SAXO2: variants seen among roughly 807,000 people sequenced by gnomAD.
SAXO2 encodes stabilizer of axonemal microtubules 2, also known as family with sequence similarity 154, member B.
SAXO2 carries 17 observed loss-of-function variants against 18.7 expected under a neutral mutation model. The observed-to-expected ratio is 0.91, with a 90% CI of 0.62 to 1.36. The LOEUF is 1.36. SAXO2 is among the 40% of genes most tolerant of loss of function. The pLI is 0.00. For missense variants in SAXO2, 486 were observed against 562.6 expected, an observed-to-expected ratio of 0.86 and a Z score of 1.38; for synonymous variants, 163 against 181.2, an observed-to-expected ratio of 0.90 and a Z score of 0.81.
intron 3 of SAXO2, among the ~76,000 whole-genome samples, chr15:82,273,603 A>G (rs1480928696): frequency 6.7e-6 from 1 of 150,016 alleles, no homozygotes; most frequent in Non-Finnish European, 1.5e-5. Flanking sequence ...TGTGAAGACT[A>G]TGTGAATGGT....
chr15:82,284,755 C>G lies in SAXO2; in HGVS notation c.*1693C>G, dbSNP rs1242594991. The G allele has an allele frequency of 3.3e-5, 5 of 152,056 alleles. No individual in the cohort carries two copies. Among genetic ancestry groups the G allele is most frequent in the African/African-American group, 1.2e-4 (5 of 41,406 alleles). The allele number at this position is 152,056 out of a possible 1,614,324, so 9.4% of individuals were successfully genotyped here. A position where few individuals can be genotyped will look rare whatever the true frequency, so the allele number is the denominator to read the frequency against. Reference sequence around the variant, plus strand: ...ATTTTAGCATAAAGTGAATTTTAGTCTTTTATGGCTTCAGAATTATTTCAA... The same window carrying G: ...ATTTTAGCATAAAGTGAATTTTAGTGTTTTATGGCTTCAGAATTATTTCAA... On this transcript the variant is annotated 3_prime_UTR_variant, in exon 4 of 4. Transcript: ENST00000682753.
In SAXO2 at chr15:82,277,637, T is replaced by G. The variant is rs959705943; in HGVS notation, c.434-4482T>G. Among the ~76,000 whole-genome samples the G allele has an allele frequency of 7.2e-4, 109 of 152,158 alleles. 2 individuals are homozygous for G. The highest frequency in any genetic ancestry group is 4.4e-5 in the Non-Finnish European group (3 of 68,022). ...CAGATAATCTACAAAATCATAAATGTTTATGAATCCTTTAGAAAGCTGAGA... is the reference window on the plus strand; with the variant it reads ...CAGATAATCTACAAAATCATAAATGGTTATGAATCCTTTAGAAAGCTGAGA... On this transcript the variant is annotated intron_variant, in intron 3 of 3. Coordinates refer to ENST00000682753, the MANE Select transcript of SAXO2 (RefSeq NM_001348699.2).
chr15:82,273,953 G>A (rs1458639970), intron 3 of SAXO2, among the ~76,000 whole-genome samples: 2 of 151,936 alleles, frequency 1.3e-5, no homozygotes, highest in Non-Finnish European at 2.9e-5. Context: ...GGTCAGGCTG[G>A]TCTCAAACTC....
chr15:82,266,779 T>G (rs879339734), intron 2 of SAXO2, among the ~76,000 whole-genome samples: 2 of 152,236 alleles, frequency 1.3e-5, no homozygotes, highest in African/African-American at 2.4e-5. Context: ...TTAGATTAGT[T>G]TCAGTGTTTC....
rs762427515 is a variant in SAXO2, at chr15:82,264,067, GATT to G, written c.53+1136_53+1138del. 2.0e-4 allele frequency among the ~76,000 whole-genome samples: 27 copies of G among 134,160 alleles called. 2 individuals carry two copies. The highest frequency in any genetic ancestry group is 6.9e-4 in the South Asian group (3 of 4,350). The allele number at this position is 134,160 out of a possible 152,430, so 88.0% of individuals were successfully genotyped here. A position where few individuals can be genotyped will look rare whatever the true frequency, so the allele number is the denominator to read the frequency against. On this transcript the variant is annotated intron_variant, in intron 1 of 3. Transcript: ENST00000682753. The stretch of plus-strand genomic sequence containing the variant: ...TTAAGACTTGTTTTACATATGCATT[GATT>G]TTTTTTTTTTTTTTTTTTTGAGACA...
chr15:82,280,898 T>A (rs2075357204), intron 3 of SAXO2, among the ~76,000 whole-genome samples: 1 of 152,182 alleles, frequency 6.6e-6, no homozygotes, highest in African/African-American at 2.4e-5. Context: ...GGTCACCTAT[T>A]CTTGAGTCAG....
In SAXO2 at chr15:82,264,286, C is replaced by T. The variant is rs375525480; in HGVS notation, c.54-1283C>T. ...GGGGTTTCACCATGTTGGCCTCCAT[C>T]TCCTGACCTCATGATCTGCCTGCCT... On this transcript the variant is annotated intron_variant, in intron 1 of 3. Transcript: ENST00000682753. Among the ~76,000 whole-genome samples, 6 of 151,820 alleles carry T rather than the reference C, an allele frequency of 4.0e-5. No homozygotes were observed. The East Asian group carries it at 9.7e-4, about 25-fold the overall frequency.
rs2075284755 is a variant in SAXO2, at chr15:82,272,845, A to G, written c.433+1043A>G. ...GGCGTGAGCCACCACGCGTGGCCCA[A>G]AAACCTGATTTTAAAATACTCTAGT... is the stretch of plus-strand genomic sequence containing the variant. On this transcript the variant is annotated intron_variant, in intron 3 of 3. Coordinates refer to ENST00000682753, the MANE Select transcript of SAXO2 (RefSeq NM_001348699.2). Among the ~76,000 whole-genome samples the G allele has an allele frequency of 2.0e-5, 3 of 151,806 alleles. No homozygotes were observed. The South Asian group carries it at 6.2e-4, about 32-fold the overall frequency.
At position 82,276,070 on chromosome 15, in the gene SAXO2, T is replaced by G. The variant is rs1039526666; in HGVS notation, c.433+4268T>G. Among the ~76,000 whole-genome samples the G allele has an allele frequency of 5.3e-5, 8 of 152,154 alleles. No individual in the cohort carries two copies. In the South Asian group the frequency reaches 6.2e-4, roughly 12 times the overall value. On this transcript the variant is annotated intron_variant, in intron 3 of 3. Coordinates refer to ENST00000682753, the MANE Select transcript of SAXO2 (RefSeq NM_001348699.2). ...GCAAAGTCTCAGCATACAAAATCAA[T>G]GCACAAAAATCAGTAGCATTTCTAT...
chr15:82,269,479 G>C (rs1397234198), intron 2 of SAXO2, among the ~76,000 whole-genome samples: 1 of 152,220 alleles, frequency 6.6e-6, no homozygotes, highest in South Asian at 2.1e-4. Context: ...GGTGAGAGTT[G>C]AGGCTAGTGA....
At chr15:82,278,746 A>G (rs577550434) in intron 3 of SAXO2, among the ~76,000 whole-genome samples, 1 of 152,350 alleles carries the variant, frequency 6.6e-6, no homozygotes, top group African/African-American at 2.4e-5. Context: ...CATCAATAAT[A>G]GAAAAAAATG....
At chr15:82,279,396 C>T (rs1178266539) in intron 3 of SAXO2, among the ~76,000 whole-genome samples, 18 of 152,124 alleles carry the variant, frequency 1.2e-4, no homozygotes, top group Non-Finnish European at 2.9e-5. Flanking sequence ...TTAAACAGAA[C>T]CTTAGCCTGA....
chr15:82,264,261 G>T (rs2075184898), intron 1 of SAXO2, among the ~76,000 whole-genome samples: 1 of 151,504 alleles, frequency 6.6e-6, no homozygotes, highest in Non-Finnish European at 1.5e-5. Flanking sequence ...TAGTAGAGAC[G>T]GGGTTTCACC....
chr15:82,277,663 T>C (rs1012391463), intron 3 of SAXO2, among the ~76,000 whole-genome samples: 9 of 152,174 alleles, frequency 5.9e-5, no homozygotes, highest in African/African-American at 2.2e-4. Flanking sequence ...AAAGCTGAGA[T>C]CACAGGTTAA....
intron 3 of SAXO2, among the ~76,000 whole-genome samples, chr15:82,277,232 G>A (rs997168977): frequency 6.6e-6 from 1 of 152,054 alleles, no homozygotes; most frequent in African/African-American, 2.4e-5. Flanking sequence ...GAACAAAGAA[G>A]GGAAAAGTCA....
chr15:82,264,598 A>T, intron 1 of SAXO2: 2 of 697,134 alleles, frequency 2.9e-6, no homozygotes, highest in African/African-American at 1.8e-5. Flanking sequence ...TTTATTAAGG[A>T]GTATATATAT....
chr15:82,268,906 T>A (rs1408306146), intron 2 of SAXO2, among the ~76,000 whole-genome samples: 1 of 152,198 alleles, frequency 6.6e-6, no homozygotes, highest in Non-Finnish European at 1.5e-5. Flanking sequence ...CCAGAGAAAC[T>A]GGGACTTCTG....
At chr15:82,269,831 G>C (rs2075254365) in intron 2 of SAXO2, among the ~76,000 whole-genome samples, 1 of 152,150 alleles carries the variant, frequency 6.6e-6, no homozygotes, top group African/African-American at 2.4e-5. Flanking sequence ...AAAGTGGTTA[G>C]ATTTGAGGGA....
At chr15:82,263,001 C>G (rs2075150997) in intron 1 of SAXO2, 69 bp downstream of exon 1, 11 of 1,555,610 alleles carry the variant, frequency 7.1e-6, no homozygotes, top group South Asian at 3.6e-5. Context: ...TGCACGGAGC[C>G]GGCTCCTCGG....
Sources: allele counts gnomAD v4.1 joint callset (sites outside exome capture counted in the v4.1 genomes callset), GRCh38; gene constraint gnomAD v4.1.1; transcripts MANE v1.5; gene names NCBI Gene and HGNC (gene_info 2026-07-23, HGNC 2026-07-21).